SMCHD1: variants seen among roughly 807,000 people sequenced by gnomAD.
SMCHD1 encodes structural maintenance of chromosomes flexible hinge domain containing 1, also known as structural maintenance of chromosomes flexible hinge domain-containing protein 1.
In SMCHD1, 78 loss-of-function variants were observed where a neutral mutation model predicts 254.7. That is an observed-to-expected ratio of 0.31 (90% CI 0.26 to 0.37). The LOEUF is 0.37. SMCHD1 is among the 10% of genes least tolerant of loss of function. The pLI is 1.00. For missense variants in SMCHD1, 1,840 were observed against 2,408.1 expected (o/e 0.76, Z 4.94); for synonymous variants, 766 against 794.9 (o/e 0.96, Z 0.61).
At chr18:2,760,493 A>C (rs2075766285) in intron 34 of SMCHD1, 159 bp from the exon 35 acceptor site, 1 of 551,930 alleles carries the variant, frequency 1.8e-6, no homozygotes, top group African/African-American at 2.0e-5. Flanking sequence ...GGGAGTAAGC[A>C]AGAAATATTT....
rs559283578 is a variant in SMCHD1, at chr18:2,656,115, G to T, written c.40G>T (p.Val14Leu). Residue 14 changes from valine (V) to leucine (L), a missense_variant, in exon 1 of 48, where the codon GTG becomes TTG. By Grantham distance (32) the Val-to-Leu change is conservative. Transcript: ENST00000320876. Reference protein sequence around the residue: ...ADGGGPGGASVGTEEDGGGVG... With the variant: ...ADGGGPGGASLGTEEDGGGVG... ...CGGCGGCGGGCCTGGTGGGGCCTCT[G>T]TGGGGACTGAGGAGGATGGCGGAGG... 2 of 1,461,132 alleles carry T rather than the reference G, an allele frequency of 1.4e-6. No individual in the cohort carries two copies. The highest frequency in any genetic ancestry group is 1.8e-6 in the Non-Finnish European group (2 of 1,106,996). 90.5% of individuals were successfully genotyped at this position (1,461,132 alleles called of 1,614,324 possible).
At chr18:2,787,017 C>G (rs981405987) in intron 45 of SMCHD1, among the ~76,000 whole-genome samples, 3 of 152,210 alleles carry the variant, frequency 2.0e-5, no homozygotes, top group Middle Eastern at 3.4e-3. Context: ...AAAGGAATAC[C>G]TGAAGCTGGG....
intron 47 of SMCHD1, among the ~76,000 whole-genome samples, chr18:2,802,242 G>C (rs2076376706): frequency 6.6e-6 from 1 of 152,202 alleles, no homozygotes; most frequent in East Asian, 1.9e-4. Context: ...GGAAAAATCT[G>C]CAGAATTTAG....
intron 12 of SMCHD1, 120 bp downstream of exon 12, chr18:2,701,038 T>A: frequency 5.4e-6 from 4 of 740,886 alleles, no homozygotes; most frequent in Non-Finnish European, 6.1e-6. Context: ...GATGTATAAA[T>A]TTTTTTATGA....
chr18:2,795,036 TGGG>T (rs2076234525), intron 45 of SMCHD1, among the ~76,000 whole-genome samples: 1 of 151,052 alleles, frequency 6.6e-6, no homozygotes, highest in East Asian at 1.9e-4. Flanking sequence ...TAAAAAATTC[TGGG>T]TTTTTTTTTT....
At chr18:2,685,723 G>T (rs927357825) in intron 5 of SMCHD1, among the ~76,000 whole-genome samples, 4 of 152,152 alleles carry the variant, frequency 2.6e-5, no homozygotes, top group Admixed American at 6.5e-5. Context: ...TCATTATACA[G>T]TATTTGTCAT....
Position 2,688,456 on chromosome 18 carries a change from A to G in SMCHD1, c.701A>G (p.Tyr234Cys), listed in dbSNP as rs2074101046. Reference protein sequence around the residue: ...VPRSLNSDISYFGVGGKQAVF... With the variant: ...VPRSLNSDISCFGVGGKQAVF... ...CGCAGTTTAAATAGTGATATTTCCT[A>G]TTTTGGTGTTGGGGGCAAGCAAGCT... Residue 234 changes from tyrosine (Y) to cysteine (C), a missense_variant, in exon 6 of 48, where the codon TAT becomes TGT. By Grantham distance (194) the Tyr-to-Cys change is radical. Coordinates refer to ENST00000320876, the MANE Select transcript of SMCHD1 (RefSeq NM_015295.3). 1 of 1,613,910 alleles carries G rather than the reference A, an allele frequency of 6.2e-7. No homozygotes were observed. Among genetic ancestry groups the G allele is most frequent in the East Asian group, 2.2e-5 (1 of 44,870 alleles).
chr18:2,767,077 CA>C (rs2143717518), intron 37 of SMCHD1, among the ~76,000 whole-genome samples: 1 of 152,116 alleles, frequency 6.6e-6, no homozygotes, highest in African/African-American at 2.4e-5. Context: ...GGCAACATGG[CA>C]AAACCCCATC....
At chr18:2,667,055 T>G (rs1417647721) in intron 3 of SMCHD1, 24 bp downstream of exon 3, 6 of 1,517,322 alleles carry the variant, frequency 4.0e-6, no homozygotes, top group Non-Finnish European at 5.4e-6. Context: ...TCATACTAAT[T>G]TTGATAAATT....
chr18:2,688,124 C>T (rs1444853343), intron 5 of SMCHD1, among the ~76,000 whole-genome samples: 3 of 152,130 alleles, frequency 2.0e-5, no homozygotes, highest in South Asian at 4.1e-4. Flanking sequence ...CTTATTTAGT[C>T]CTGTTTGCTG....
At chr18:2,698,102 T>C in intron 10 of SMCHD1, 61 bp downstream of exon 10, 9 of 1,331,108 alleles carry the variant, frequency 6.8e-6, no homozygotes, top group Non-Finnish European at 9.4e-6. Flanking sequence ...CAGTGATTTG[T>C]TTTTCTAAAT....
At chr18:2,800,455 G>A (rs539548793) in intron 47 of SMCHD1, 44 of 152,210 alleles carry the variant, frequency 2.9e-4, no homozygotes, top group Admixed American at 2.9e-3. Context: ...GCTGATAACT[G>A]GCTCTGCACC....
chr18:2,696,395 TC>T (rs2074286057), intron 8 of SMCHD1, among the ~76,000 whole-genome samples: 1 of 152,202 alleles, frequency 6.6e-6, no homozygotes, highest in African/African-American at 2.4e-5. Context: ...GCACTAGATT[TC>T]TCATAGGAGC....
intron 45 of SMCHD1, among the ~76,000 whole-genome samples, chr18:2,786,231 C>T (rs547009275): frequency 2.0e-5 from 3 of 152,200 alleles, no homozygotes; most frequent in African/African-American, 7.2e-5. Flanking sequence ...CTTAAGTGAT[C>T]CACCTTCCTT....
chr18:2,752,123 A>G (rs1032723480), intron 33 of SMCHD1, among the ~76,000 whole-genome samples: 5 of 152,148 alleles, frequency 3.3e-5, no homozygotes, highest in African/African-American at 9.7e-5. Context: ...ATAATAATCT[A>G]CTTCAACATT....
intron 35 of SMCHD1, 92 bp from the exon 36 acceptor site, chr18:2,762,013 A>T: frequency 1.0e-6 from 1 of 957,580 alleles, no homozygotes; most frequent in Non-Finnish European, 1.5e-6. Context: ...ATTTAATTTT[A>T]TTTAGTATGT....
intron 47 of SMCHD1, among the ~76,000 whole-genome samples, chr18:2,801,818 T>C (rs1350081010): frequency 6.6e-6 from 1 of 152,168 alleles, no homozygotes; most frequent in East Asian, 1.9e-4. Flanking sequence ...CTCATGACCT[T>C]ATAAAGTACA....
chr18:2,743,653 C>T, intron 28 of SMCHD1, 108 bp from the exon 29 acceptor site: 2 of 652,116 alleles, frequency 3.1e-6, no homozygotes, highest in South Asian at 4.8e-5. Context: ...GTCATGTTAC[C>T]AAGAAACACA....
chr18:2,715,175 A>G (rs951355320), intron 17 of SMCHD1, among the ~76,000 whole-genome samples: 2 of 151,840 alleles, frequency 1.3e-5, no homozygotes, highest in Non-Finnish European at 1.5e-5. Flanking sequence ...GTTTTCCTCA[A>G]TTATTTCCTC....
Sources: gnomAD v4.1 joint callset for allele counts (sites outside exome capture counted in the v4.1 genomes callset) on GRCh38, gnomAD v4.1.1 for gene constraint, MANE v1.5 for transcripts, NCBI Gene and HGNC (gene_info 2026-07-23, HGNC 2026-07-21) for gene names.